Variants in MGAT5 observed in about 807,000 individuals in gnomAD.
The protein encoded by MGAT5 is alpha-1,6-mannosylglycoprotein 6-beta-N-acetylglucosaminyltransferase.
A neutral mutation model predicts 94.3 loss-of-function variants in MGAT5; 30 were observed. That is an observed-to-expected ratio of 0.32 (90% CI 0.24 to 0.43). The LOEUF (loss-of-function observed/expected upper bound fraction) is 0.43, where lower values mean the gene tolerates loss of function less well. Among genes scored for constraint, MGAT5 ranks in the 20% least tolerant of loss-of-function variants. MGAT5 has a pLI of 1.00. For missense variants in MGAT5, 691 were observed against 905.5 expected (o/e 0.76, Z 3.04); for synonymous variants, 310 against 322.9 (o/e 0.96, Z 0.43).
At chr2:134,200,173 G>A (rs1260608696) in intron 1 of MGAT5, among the ~76,000 whole-genome samples, 3 of 3,242 alleles carry the variant, frequency 9.3e-4, no homozygotes, top group South Asian at 0.022. Flanking sequence ...CCCCTGCCCC[G>A]CCAAGGCTGA....
Position 134,345,022 on chromosome 2 carries a change from C to A in MGAT5, c.1070C>A (p.Ala357Asp). The A allele has an allele frequency of 1.2e-6, 2 of 1,613,566 alleles. No individual in the cohort carries two copies. The highest frequency in any genetic ancestry group is 1.7e-6 in the Non-Finnish European group (2 of 1,179,678). Residue 357 changes from alanine to aspartate, a missense_variant, in exon 8 of 16, where the codon GCT becomes GAT. By Grantham distance (126) the Ala-to-Asp change is moderately radical. Coordinates refer to ENST00000281923, the MANE Select transcript of MGAT5 (RefSeq NM_002410.5). ...ELIYIDIVGL[A>D]QFKKTLGPSW... ...ATTTACATTGATATTGTAGGACTTG[C>A]TCAATTCAAGAAAACTCTTGGACCA...
chr2:134,301,443 C>G (rs567989243), intron 2 of MGAT5, among the ~76,000 whole-genome samples: 5 of 152,232 alleles, frequency 3.3e-5, no homozygotes, highest in African/African-American at 1.2e-4. Context: ...TGATATCCCT[C>G]TTTCATTCTT....
intron 1 of MGAT5, among the ~76,000 whole-genome samples, chr2:134,172,693 C>T (rs187489102): frequency 1.3e-4 from 20 of 152,268 alleles, no homozygotes; most frequent in African/African-American, 4.6e-4. Context: ...GCCAGTACTT[C>T]TTATTTTACC....
intron 1 of MGAT5, among the ~76,000 whole-genome samples, chr2:134,178,143 T>C (rs1573801118): frequency 6.6e-6 from 1 of 151,854 alleles, no homozygotes; most frequent in African/African-American, 2.4e-5. Context: ...TTGGGAGAGA[T>C]TCTAGGCAGG....
intron 1 of MGAT5, among the ~76,000 whole-genome samples, chr2:134,161,333 A>T (rs1321524276): frequency 1.3e-5 from 2 of 152,208 alleles, no homozygotes; most frequent in Non-Finnish European, 2.9e-5. Context: ...GCCTGGGAGC[A>T]ACGGGAAGGA....
At chr2:134,126,383 G>A (rs756641563) in intron 1 of MGAT5, among the ~76,000 whole-genome samples, 66 of 152,158 alleles carry the variant, frequency 4.3e-4, no homozygotes, top group Admixed American at 1.0e-3. Context: ...GATTGAATGC[G>A]CTCCAAAGAT....
At position 134,400,842 on chromosome 2, in the gene MGAT5, G is replaced by A. The variant is rs1235128729; in HGVS notation, c.1381-2146G>A. Reference sequence around the variant, plus strand: ...TGCTTTAAGGCCAGCAAGATGTCCCGAGAGGCCTCCTTGTAGATGAGTGAA... The same window carrying A: ...TGCTTTAAGGCCAGCAAGATGTCCCAAGAGGCCTCCTTGTAGATGAGTGAA... On this transcript the variant is annotated intron_variant, in intron 10 of 15. Coordinates refer to ENST00000281923, the MANE Select transcript of MGAT5 (RefSeq NM_002410.5). Among the ~76,000 whole-genome samples the A allele has an allele frequency of 3.3e-5, 5 of 152,154 alleles. No individual in the cohort carries two copies. The South Asian group carries it at 6.2e-4, about 19-fold the overall frequency.
chr2:134,226,890 T>C (rs1255427923), intron 1 of MGAT5, among the ~76,000 whole-genome samples: 1 of 151,602 alleles, frequency 6.6e-6, no homozygotes, highest in African/African-American at 2.4e-5. Context: ...TGTGGCAAAT[T>C]GGAAAGCCAT....
At chr2:134,378,617 CTT>C (rs70973450) in intron 10 of MGAT5, among the ~76,000 whole-genome samples, 9 of 139,840 alleles carry the variant, frequency 6.4e-5, no homozygotes, top group Admixed American at 7.2e-5. Flanking sequence ...ATCTGGATTA[CTT>C]TTTTTTTTTT....
In MGAT5 at chr2:134,326,102, A is replaced by G. The variant is rs559853447; in HGVS notation, c.573+7363A>G. On this transcript the variant is annotated intron_variant, in intron 4 of 15. Coordinates refer to ENST00000281923, the MANE Select transcript of MGAT5 (RefSeq NM_002410.5). The stretch of plus-strand genomic sequence containing the variant: ...CAATCATTGATCAGTGCCCAGGTTC[A>G]TTAATTCATTAAAGGTACCTTCTTA... 1.8e-4 allele frequency among the ~76,000 whole-genome samples: 25 copies of G among 139,298 alleles called. No homozygotes were observed. In the South Asian group the frequency reaches 3.3e-3, roughly 19 times the overall value. 91.4% of individuals were successfully genotyped at this position (139,298 alleles called of 152,430 possible).
rs113211725 is a variant in MGAT5 at position 134,333,854 on chromosome 2, C to G, written c.574-2363C>G. On this transcript the variant is annotated intron_variant, in intron 4 of 15. Coordinates refer to ENST00000281923, the MANE Select transcript of MGAT5 (RefSeq NM_002410.5). ...TTGCCAATGCTGGCTTTCTTCCAAT[C>G]CTGGTAATCCTCCGAGGTTTCCCAG... 9.3e-3 allele frequency among the ~76,000 whole-genome samples: 1,419 copies of G among 152,284 alleles called. 32 individuals carry two copies. The highest frequency in any genetic ancestry group is 0.032 in the African/African-American group (1,336 of 41,560).
At chr2:134,443,567 A>T (rs572302125) in intron 15 of MGAT5, among the ~76,000 whole-genome samples, 1 of 152,244 alleles carries the variant, frequency 6.6e-6, no homozygotes, top group Non-Finnish European at 1.5e-5. Context: ...CCACCATGAA[A>T]ACAAAAGCAT....
intron 10 of MGAT5, among the ~76,000 whole-genome samples, chr2:134,387,327 T>C (rs1682076163): frequency 2.2e-5 from 1 of 45,968 alleles, no homozygotes; most frequent in Non-Finnish European, 3.9e-5. Flanking sequence ...TATATATATA[T>C]ATATATTTTT....
chr2:134,190,151 G>A (rs1168981104), intron 1 of MGAT5, among the ~76,000 whole-genome samples: 1 of 152,156 alleles, frequency 6.6e-6, no homozygotes, highest in Non-Finnish European at 1.5e-5. Flanking sequence ...GATGGACATG[G>A]GGTGCTGGCT....
At chr2:134,427,505 A>G (rs926911293) in intron 13 of MGAT5, among the ~76,000 whole-genome samples, 2 of 152,154 alleles carry the variant, frequency 1.3e-5, no homozygotes, top group African/African-American at 2.4e-5. Flanking sequence ...CCCCTCAAAT[A>G]AAATCGGGCT....
chr2:134,251,081 T>C (rs528199940), upstream of MGAT5, among the ~76,000 whole-genome samples: 14 of 152,258 alleles, frequency 9.2e-5, no homozygotes, highest in African/African-American at 3.1e-4. Context: ...TCGGGCTCTT[T>C]ACTAAAATAG....
At chr2:134,175,217 T>A (rs1688403204) in intron 1 of MGAT5, among the ~76,000 whole-genome samples, 1 of 152,270 alleles carries the variant, frequency 6.6e-6, no homozygotes, top group Non-Finnish European at 1.5e-5. Context: ...CTAGAAAATG[T>A]CTAAATATTT....
At position 134,428,403 on chromosome 2, in the gene MGAT5, G is replaced by T; in HGVS notation, c.1833G>T (p.Gly611=). 6.2e-7 allele frequency: 1 copy of T among 1,614,124 alleles called. No individual in the cohort carries two copies. The highest frequency in any genetic ancestry group is 1.1e-5 in the South Asian group (1 of 91,080). Residue 611 remains glycine (G), a synonymous_variant, in exon 14 of 16, where the codon GGG becomes GGT. Transcript: ENST00000281923. ...PYMPYEFTCE[G]MLQRINAFIE... ...TGCCATATGAATTTACGTGCGAGGG[G>T]ATGCTACAGAGAATCAATGCTTTCA...
At chr2:134,285,793 A>G (rs528795279) in intron 2 of MGAT5, among the ~76,000 whole-genome samples, 2 of 152,216 alleles carry the variant, frequency 1.3e-5, no homozygotes, top group East Asian at 3.9e-4. Flanking sequence ...GAAGATGGGA[A>G]TTTAGCTCTC....
Sources: allele counts gnomAD v4.1 joint callset (sites outside exome capture counted in the v4.1 genomes callset), GRCh38; gene constraint gnomAD v4.1.1; transcripts MANE v1.5; gene names NCBI Gene and HGNC (gene_info 2026-07-23, HGNC 2026-07-21).